Variants in ZNF160 observed in about 807,000 individuals in gnomAD.
The protein encoded by ZNF160 is zinc finger protein 160, also known as KRAB zinc finger protein KR18.
Under a neutral mutation model 13.1 loss-of-function variants are expected in ZNF160, and 9 were observed. That is an observed-to-expected ratio of 0.69 (90% confidence interval 0.41 to 1.20). The LOEUF is 1.20. Among genes scored for constraint, ZNF160 ranks in the 50% most tolerant of loss-of-function variants. The pLI is 0.01. For missense variants in ZNF160, 838 were observed against 988.0 expected, an observed-to-expected ratio of 0.85 and a Z score of 2.04; for synonymous variants, 293 against 333.2, an observed-to-expected ratio of 0.88 and a Z score of 1.31.
intron 3 of ZNF160, chr19:53,085,425 A>T: frequency 6.5e-6 from 1 of 153,032 alleles, no homozygotes; most frequent in Non-Finnish European, 1.5e-5. Flanking sequence ...GGGATGCTTT[A>T]CCTCTTGGCA....
intron 1 of ZNF160, among the ~76,000 whole-genome samples, chr19:53,096,254 T>C (rs2085230781): frequency 6.6e-6 from 1 of 152,200 alleles, no homozygotes; most frequent in Non-Finnish European, 1.5e-5. Flanking sequence ...GAATGAAATA[T>C]TAGGCCATTT....
At chr19:53,087,018 A>C (rs1011283082) in intron 2 of ZNF160, among the ~76,000 whole-genome samples, 1 of 152,210 alleles carries the variant, frequency 6.6e-6, no homozygotes, top group Non-Finnish European at 1.5e-5. Flanking sequence ...GTGGGCCTGC[A>C]ATGTCAAATA....
In ZNF160 at chr19:53,075,106, G is replaced by A. The variant is rs201072350; in HGVS notation, c.93C>T (p.Ile31=). The A allele has an allele frequency of 2.5e-6, 4 of 1,614,190 alleles. No homozygotes were observed. The Middle Eastern group carries it at 4.9e-4, about 200-fold the overall frequency. ...EWKCLDPAQR[I]LYRDVMLENY... ...TCTCCAACATCACGTCCCTGTATAA[G>A]ATCCTCTGAGCAGGGTCCAGGCATT... is the stretch of plus-strand genomic sequence containing the variant. Residue 31 remains isoleucine (I), a synonymous_variant, in exon 4 of 6, where the codon ATC becomes ATT. Coordinates refer to ENST00000683776, the MANE Select transcript of ZNF160 (RefSeq NM_001322131.2).
chr19:53,096,118 G>C (rs730192), intron 1 of ZNF160, among the ~76,000 whole-genome samples: 2 of 152,068 alleles, frequency 1.3e-5, no homozygotes, highest in Non-Finnish European at 1.5e-5. Context: ...ACTCCAGAGG[G>C]TGAGGCAGGA....
At position 53,087,226 on chromosome 19, in the gene ZNF160, G is replaced by A. The variant is rs543980598; in HGVS notation, c.-45-905C>T. Among the ~76,000 whole-genome samples, 27 of 152,334 alleles carry A rather than the reference G, an allele frequency of 1.8e-4. No homozygotes were observed. The South Asian group carries it at 2.1e-3, about 12-fold the overall frequency. On this transcript the variant is annotated intron_variant, in intron 2 of 5. Transcript: ENST00000683776. ...AGGGGCCTGTGTGACTGGAGCAGAG[G>A]GGGCTGGGAGGACACAGGAAGGAGA...
chr19:53,101,043 C>T (rs1226864230), intron 1 of ZNF160, among the ~76,000 whole-genome samples: 3 of 152,042 alleles, frequency 2.0e-5, no homozygotes, highest in Non-Finnish European at 4.4e-5. Flanking sequence ...ATTTGGGAGG[C>T]CGAGACAGGT....
chr19:53,093,312 G>A (rs1221592880), intron 1 of ZNF160, among the ~76,000 whole-genome samples: 1 of 152,220 alleles, frequency 6.6e-6, no homozygotes, highest in Non-Finnish European at 1.5e-5. Context: ...CGGTGGCAGC[G>A]CCTGTTATCC....
chr19:53,093,314 C>T (rs1207711347), intron 1 of ZNF160, among the ~76,000 whole-genome samples: 1 of 152,160 alleles, frequency 6.6e-6, no homozygotes, highest in African/African-American at 2.4e-5. Context: ...GTGGCAGCGC[C>T]TGTTATCCCA....
At chr19:53,095,945 C>A (rs1208845464) in intron 1 of ZNF160, among the ~76,000 whole-genome samples, 2 of 152,094 alleles carry the variant, frequency 1.3e-5, no homozygotes. Flanking sequence ...TGGTCAGGTG[C>A]GGTGACTTAT....
At position 53,068,025 on chromosome 19, in the gene ZNF160, T is replaced by C. The variant is rs2084018710; in HGVS notation, c.*52A>G. 6.5e-7 allele frequency: 1 copy of C among 1,534,238 alleles called. No homozygotes were observed. Among genetic ancestry groups the C allele is most frequent in the African/African-American group, 1.4e-5 (1 of 72,638 alleles). ...ACATTTGTAAGGATTCTGTCAAGAA[T>C]GAAATTAACTGATGTGAAAGGAGTG... On this transcript the variant is annotated 3_prime_UTR_variant, in exon 6 of 6. Transcript: ENST00000683776.
In ZNF160 at chr19:53,070,083, T is replaced by G. The variant is rs757905877; in HGVS notation, c.451A>C (p.Asn151His). The G allele has an allele frequency of 6.2e-6, 10 of 1,614,040 alleles. No homozygotes were observed. In the Admixed American group the frequency reaches 1.7e-4, roughly 27 times the overall value. The change falls in exon 6 of 6, where the codon AAT (asparagine) becomes CAT (histidine). Residue 151 changes from asparagine to histidine, a missense_variant. Asn to His is a moderately conservative substitution (Grantham distance 68). Transcript: ENST00000683776. ...FECQWRDDTG[N>H]YKGVLMAQKE... Reference sequence around the variant, plus strand: ...TGGGCCATAAGCACTCCCTTGTAATTTCCTGTGTCATCTCTCCATTGACAC... The same window carrying G: ...TGGGCCATAAGCACTCCCTTGTAATGTCCTGTGTCATCTCTCCATTGACAC...
chr19:53,073,262 G>T (rs1600816242), intron 5 of ZNF160: 1 of 1,506,106 alleles, frequency 6.6e-7, no homozygotes, highest in South Asian at 1.3e-5. Context: ...AACAGAATAC[G>T]CACCCCATGT....
intron 3 of ZNF160, among the ~76,000 whole-genome samples, chr19:53,080,341 C>T (rs571818852): frequency 6.2e-4 from 94 of 152,178 alleles, no homozygotes; most frequent in Middle Eastern, 3.4e-3. Context: ...TCAGGTGATC[C>T]GCCTGCCTTG....
At chr19:53,094,537 T>C (rs73068970) in intron 1 of ZNF160, among the ~76,000 whole-genome samples, 28 of 152,282 alleles carry the variant, frequency 1.8e-4, no homozygotes, top group Non-Finnish European at 2.9e-4. Flanking sequence ...TGAGTTGTGA[T>C]CCTCTTAATG....
In ZNF160 at chr19:53,067,079, CCT is replaced by C. The variant is rs988040846; in HGVS notation, c.*996_*997del. On this transcript the variant is annotated 3_prime_UTR_variant, in exon 6 of 6. Transcript: ENST00000683776. ...TACAGGTGTGAGCCACCGCGCCTGGCCTCTCTCTTCAATTTCAAAACAAGATC... is the reference window on the plus strand; with the variant it reads ...TACAGGTGTGAGCCACCGCGCCTGGCCTCTCTTCAATTTCAAAACAAGATC... 5.4e-4 allele frequency: 83 copies of C among 152,304 alleles called. No individual in the cohort carries two copies. The highest frequency in any genetic ancestry group is 1.9e-3 in the African/African-American group (81 of 41,544). 9.4% of individuals were successfully genotyped at this position (152,304 alleles called of 1,614,324 possible).
At chr19:53,102,444 ACT>A (rs754208126) in intron 1 of ZNF160, among the ~76,000 whole-genome samples, 6 of 148,574 alleles carry the variant, frequency 4.0e-5, no homozygotes, top group Admixed American at 2.0e-4. Context: ...CCTCTCCCCC[ACT>A]CTCTGTCTGA....
At chr19:53,094,677 T>C (rs1487617544) in intron 1 of ZNF160, among the ~76,000 whole-genome samples, 3 of 152,204 alleles carry the variant, frequency 2.0e-5, no homozygotes, top group Admixed American at 6.5e-5. Context: ...CTTAAATTGT[T>C]TGAAATGTTG....
At chr19:53,102,736 GT>G (rs777779121) in intron 1 of ZNF160, among the ~76,000 whole-genome samples, 3 of 152,134 alleles carry the variant, frequency 2.0e-5, no homozygotes, top group Admixed American at 1.3e-4. Flanking sequence ...TCACTGGAGG[GT>G]TTGTAGTAAG....
chr19:53,087,131 A>T (rs1600876285), intron 2 of ZNF160, among the ~76,000 whole-genome samples: 2 of 152,310 alleles, frequency 1.3e-5, no homozygotes, highest in African/African-American at 4.8e-5. Context: ...GAGGCCAGGG[A>T]GTTCTAGGCA....
Sources: gnomAD v4.1 joint callset for allele counts (sites outside exome capture counted in the v4.1 genomes callset) on GRCh38, gnomAD v4.1.1 for gene constraint, MANE v1.5 for transcripts, NCBI Gene and HGNC (gene_info 2026-07-23, HGNC 2026-07-21) for gene names.